Variants in ZNF234 observed in about 807,000 individuals in gnomAD.
The protein encoded by ZNF234 is C2-H2 type zinc finger protein.
Under a neutral mutation model 10.3 loss-of-function variants are expected in ZNF234, and 4 were observed. The ratio of observed to expected loss-of-function variants is 0.39; its 90% CI spans 0.19 to 0.89. The LOEUF is 0.89. Ranked by LOEUF, ZNF234 falls within the 40% of genes least tolerant of loss-of-function variation. ZNF234 has a pLI of 0.38. For synonymous variants in ZNF234, 258 were observed against 280.1 expected (o/e 0.92, Z 0.79); for missense variants, 711 against 836.1 (o/e 0.85, Z 1.85).
chr19:44,149,002 T>A, intron 4 of ZNF234, 105 bp downstream of exon 4: 1 of 1,351,946 alleles, frequency 7.4e-7, no homozygotes, highest in Non-Finnish European at 1.0e-6. Context: ...CCTACATTTG[T>A]AGACCTGACT....
At chr19:44,142,902 A>G (rs1281174717) in intron 2 of ZNF234, among the ~76,000 whole-genome samples, 1 of 152,156 alleles carries the variant, frequency 6.6e-6, no homozygotes, top group Admixed American at 6.5e-5. Flanking sequence ...ATTTTGTTTT[A>G]GTGGTTCCAT....
At chr19:44,143,646 T>C (rs1306650854) in intron 2 of ZNF234, among the ~76,000 whole-genome samples, 1 of 149,308 alleles carries the variant, frequency 6.7e-6, no homozygotes, top group African/African-American at 2.5e-5. Context: ...AACCCGTCTC[T>C]ACTAAAGATA....
chr19:44,151,674 T>C (rs1475313381), intron 5 of ZNF234, among the ~76,000 whole-genome samples: 1 of 152,242 alleles, frequency 6.6e-6, no homozygotes, highest in Non-Finnish European at 1.5e-5. Context: ...AAGGAGAATC[T>C]GTATCGTTCC....
chr19:44,154,479 TGC>T (rs1968826180), intron 5 of ZNF234, among the ~76,000 whole-genome samples: 1 of 152,134 alleles, frequency 6.6e-6, no homozygotes, highest in African/African-American at 2.4e-5. Flanking sequence ...GTTAGGTACT[TGC>T]TCCCAGCCTG....
rs1248521899 is a variant in ZNF234, at chr19:44,158,180, A to G, written c.*61A>G. The G allele has an allele frequency of 6.4e-7, 1 of 1,559,332 alleles. No homozygotes were observed. On this transcript the variant is annotated 3_prime_UTR_variant, in exon 6 of 6. Transcript: ENST00000426739. ...AATGCTTGTAATTAGATTTCATAGG[A>G]GGGAAAAATTTTCTTTATCAACCTC... is the stretch of plus-strand genomic sequence containing the variant.
chr19:44,150,546 C>T, intron 5 of ZNF234, 41 bp downstream of exon 5: 1 of 1,490,752 alleles, frequency 6.7e-7, no homozygotes, highest in South Asian at 1.3e-5. Flanking sequence ...CGTGATTGTC[C>T]ATCTGTTGTA....
intron 5 of ZNF234, among the ~76,000 whole-genome samples, chr19:44,152,677 A>G (rs1421122891): frequency 2.0e-5 from 3 of 152,164 alleles, no homozygotes; most frequent in African/African-American, 4.8e-5. Flanking sequence ...TCTGATGTCT[A>G]CTTCTGAGAT....
At chr19:44,144,759 T>C in intron 3 of ZNF234, 112 bp downstream of exon 3, 1 of 914,946 alleles carries the variant, frequency 1.1e-6, no homozygotes, top group Non-Finnish European at 1.5e-6. Flanking sequence ...GCTAAGTGCA[T>C]CCTTCTGCCT....
At position 44,150,409 on chromosome 19, in the gene ZNF234, C is replaced by T; in HGVS notation, c.143-4C>T. The T allele has an allele frequency of 6.4e-7, 1 of 1,573,440 alleles. No individual in the cohort carries two copies. ...TTTTAAATATGTGACTTTGCGTGTT[C>T]TAGGGCATCACCCCTTCAAACATGA... is the stretch of plus-strand genomic sequence containing the variant. On this transcript the variant is annotated splice_polypyrimidine_tract_variant and splice_region_variant and intron_variant, in intron 4 of 5. Coordinates refer to ENST00000426739, the MANE Select transcript of ZNF234 (RefSeq NM_006630.3).
intron 3 of ZNF234, 133 bp downstream of exon 3, chr19:44,144,780 CTT>C (rs1264591290): frequency 1.3e-5 from 10 of 752,876 alleles, no homozygotes; most frequent in Admixed American, 3.4e-5. Flanking sequence ...TTTGAGTTGA[CTT>C]TGTTTTTAGA....
Position 44,158,046 on chromosome 19 carries a change from G to T in ZNF234, c.2030G>T (p.Gly677Val), listed in dbSNP as rs1301162692. Residue 677 changes from glycine (G) to valine (V), a missense_variant, in exon 6 of 6, where the codon GGT (glycine) becomes GTT (valine). Physicochemically the swap from Gly to Val is moderately radical, Grantham distance 109. Coordinates refer to ENST00000426739, the MANE Select transcript of ZNF234 (RefSeq NM_006630.3). ...AGTCATCACAAAATTCATGCTGCTG[G>T]TACATTTTATGAAAATGATGAGAAT... ...LVSHHKIHAA[G>V]TFYENDENSK... 1 of 1,613,254 alleles carries T rather than the reference G, an allele frequency of 6.2e-7. No homozygotes were observed. The highest frequency in any genetic ancestry group is 1.7e-5 in the Admixed American group (1 of 59,958).
In ZNF234 at chr19:44,156,624, G is replaced by T; in HGVS notation, c.608G>T (p.Cys203Phe). 1 of 1,614,098 alleles carries T rather than the reference G, an allele frequency of 6.2e-7. No homozygotes were observed. The highest frequency in any genetic ancestry group is 8.5e-7 in the Non-Finnish European group (1 of 1,180,010). Residue 203 changes from cysteine to phenylalanine, a missense_variant, in exon 6 of 6, where the codon TGC (cysteine) becomes TTC (phenylalanine). Coordinates refer to ENST00000426739, the MANE Select transcript of ZNF234 (RefSeq NM_006630.3). ...CAAAGAGTCCACATGGGAGAGAAAT[G>T]CTATAAGTGTGACGTGTGTGGTAAG... ...IHQRVHMGEKCYKCDVCGKEF... is the reference protein window; with the variant it reads ...IHQRVHMGEKFYKCDVCGKEF...
intron 5 of ZNF234, 83 bp from the exon 6 acceptor site, chr19:44,156,169 A>T: frequency 7.6e-7 from 1 of 1,311,032 alleles, no homozygotes; most frequent in Non-Finnish European, 1.0e-6. Flanking sequence ...TGGATTTGTT[A>T]AAATCGCATG....
chr19:44,150,496 G>C lies in ZNF234; in HGVS notation c.226G>C (p.Gly76Arg). The C allele has an allele frequency of 6.3e-7, 1 of 1,579,744 alleles. No homozygotes were observed. The highest frequency in any genetic ancestry group is 8.6e-7 in the Non-Finnish European group (1 of 1,162,246). Residue 76 changes from glycine to arginine, a missense_variant, in exon 5 of 6, where the codon GGG becomes CGG. Gly to Arg is a moderately radical substitution (Grantham distance 125). Transcript: ENST00000426739. ...DIMKTATQRK[G>R]KSADKIQSEV... ...AATGAAGACAGCAACTCAAAGAAAA[G>C]GGAAATCAGGTAAGAACCAAGCAGC...
chr19:44,158,149 A>T lies in ZNF234; in HGVS notation c.*30A>T. The stretch of plus-strand genomic sequence containing the variant: ...AAAAAAAAAAACAGAACTCATGTAC[A>T]ACCTGAATGCTTGTAATTAGATTTC... On this transcript the variant is annotated 3_prime_UTR_variant, in exon 6 of 6. Transcript: ENST00000426739. 1 of 1,584,734 alleles carries T rather than the reference A, an allele frequency of 6.3e-7. No homozygotes were observed. The highest frequency in any genetic ancestry group is 8.5e-7 in the Non-Finnish European group (1 of 1,170,748).
intron 3 of ZNF234, 28 bp from the exon 4 acceptor site, chr19:44,148,743 C>G (rs539444358): frequency 1.9e-6 from 3 of 1,612,046 alleles, no homozygotes; most frequent in Non-Finnish European, 2.5e-6. Context: ...GTTAAAAAGG[C>G]TGAAGTAAGG....
chr19:44,149,727 T>C (rs185102060), intron 4 of ZNF234: 1 of 152,134 alleles, frequency 6.6e-6, no homozygotes, highest in African/African-American at 2.4e-5. Context: ...TGTGGGCTAT[T>C]TTGGAGAAAG....
rs1169218177 is a variant in ZNF234, at chr19:44,156,932, C to G, written c.916C>G (p.His306Asp). The G allele has an allele frequency of 6.2e-7, 1 of 1,614,056 alleles. No homozygotes were observed. The highest frequency in any genetic ancestry group is 1.7e-5 in the Admixed American group (1 of 60,000). Residue 306 changes from histidine (H) to aspartate (D), a missense_variant, in exon 6 of 6, where the codon CAT becomes GAT. His to Asp is a moderately conservative substitution (Grantham distance 81, BLOSUM62 -1). Transcript: ENST00000426739. ...NFRRRSALNN[H>D]CMVHTGEKPY... is the part of the protein sequence containing the mutation. ...CCGTCGTAGATCAGCACTTAATAAT[C>G]ATTGCATGGTCCACACAGGAGAGAA...
intron 4 of ZNF234, 140 bp from the exon 5 acceptor site, chr19:44,150,273 C>G (rs1030751574): frequency 1.9e-6 from 1 of 540,506 alleles, no homozygotes; most frequent in Non-Finnish European, 3.1e-6. Flanking sequence ...ACTGATATTT[C>G]TTCATTAGGT....
Sources: gnomAD v4.1 joint callset for allele counts (sites outside exome capture counted in the v4.1 genomes callset) on GRCh38, gnomAD v4.1.1 for gene constraint, MANE v1.5 for transcripts, NCBI Gene and HGNC (gene_info 2026-07-23, HGNC 2026-07-21) for gene names.